CAV1: variants seen among roughly 807,000 people sequenced by gnomAD.
CAV1 encodes the protein caveolin-1.
A neutral mutation model predicts 16.5 loss-of-function variants in CAV1; 10 were observed. That is an observed-to-expected ratio of 0.61 (90% CI 0.37 to 1.03). The LOEUF (loss-of-function observed/expected upper bound fraction) is 1.03. Among genes scored for constraint, CAV1 ranks in the 50% least tolerant of loss-of-function variants. The probability of loss-of-function intolerance (pLI) is 0.01; values close to 1 mark genes in which losing one functional copy is unlikely to be tolerated. For synonymous variants in CAV1, 76 were observed against 85.1 expected (o/e 0.89, Z 0.59); for missense variants, 212 against 232.8 (o/e 0.91, Z 0.58).
Position 116,559,053 on chromosome 7 carries a change from C to T in CAV1, c.303C>T (p.Arg101=). 3 of 1,613,866 alleles carry T rather than the reference C, an allele frequency of 1.9e-6. No individual in the cohort carries two copies. The highest frequency in any genetic ancestry group is 2.5e-6 in the Non-Finnish European group (3 of 1,179,884). ...CTGTGACGAAATACTGGTTTTACCG[C>T]TTGCTGTCTGCCCTCTTTGGCATCC... is the stretch of plus-strand genomic sequence containing the variant. ...TFTVTKYWFY[R]LLSALFGIPM... is the part of the protein sequence containing the mutation. The change falls in exon 3 of 3, where the codon CGC becomes CGT. Residue 101 remains arginine, a synonymous_variant. Coordinates refer to ENST00000341049, the MANE Select transcript of CAV1 (RefSeq NM_001753.5).
chr7:116,526,458 T>A, intron 1 of CAV1, 67 bp from the exon 2 acceptor site: 1 of 1,608,964 alleles, frequency 6.2e-7, no homozygotes. Context: ...TTTTTCTTTT[T>A]GCATTTTTCC....
intron 2 of CAV1, among the ~76,000 whole-genome samples, chr7:116,527,871 A>G (rs56932364): frequency 0.03 from 4,487 of 150,086 alleles, 212 homozygotes; most frequent in African/African-American, 0.1. Flanking sequence ...ACTGGAAGGG[A>G]AAAAAAAACT....
At chr7:116,555,478 G>GGAAGGAA (rs1562837889) in intron 2 of CAV1, among the ~76,000 whole-genome samples, 5 of 7,256 alleles carry the variant, frequency 6.9e-4, no homozygotes, top group Admixed American at 2.3e-3. Flanking sequence ...GAAGGAAGGA[G>GGAAGGAA]GAAAGAAAAG....
chr7:116,525,030 C>A, upstream of CAV1: 1 of 1,613,942 alleles, frequency 6.2e-7, no homozygotes, highest in South Asian at 1.1e-5. Flanking sequence ...CCAGGGAAAC[C>A]TCCTCACAGT....
chr7:116,533,313 G>C (rs952590742), intron 2 of CAV1, among the ~76,000 whole-genome samples: 7 of 149,824 alleles, frequency 4.7e-5, no homozygotes, highest in Non-Finnish European at 8.8e-5. Flanking sequence ...ACTCCAGCCT[G>C]GTGACACAGC....
At chr7:116,550,942 C>A (rs1218034030) in intron 2 of CAV1, among the ~76,000 whole-genome samples, 1 of 152,128 alleles carries the variant, frequency 6.6e-6, no homozygotes, top group Admixed American at 6.5e-5. Flanking sequence ...CTCATTTATC[C>A]ACCAGTGTCC....
At chr7:116,547,386 G>T (rs948303788) in intron 2 of CAV1, among the ~76,000 whole-genome samples, 1 of 152,128 alleles carries the variant, frequency 6.6e-6, no homozygotes, top group Non-Finnish European at 1.5e-5. Context: ...GGAGAAACCC[G>T]ATGGTTACCT....
chr7:116,525,816 G>A (rs984951777), intron 1 of CAV1: 28 of 1,019,164 alleles, frequency 2.7e-5, no homozygotes, highest in Non-Finnish European at 3.3e-5. Context: ...GTGAGACTGA[G>A]TTCTAGGACA....
intron 2 of CAV1, among the ~76,000 whole-genome samples, chr7:116,556,360 T>C (rs909601501): frequency 3.5e-4 from 53 of 152,326 alleles, no homozygotes; most frequent in African/African-American, 1.3e-3. Flanking sequence ...GCAAACTCTT[T>C]TTTATTAACG....
At chr7:116,558,750 C>T (rs547220102) in intron 2 of CAV1, among the ~76,000 whole-genome samples, 196 bp from the exon 3 acceptor site, 1 of 152,102 alleles carries the variant, frequency 6.6e-6, no homozygotes, top group East Asian at 1.9e-4. Context: ...AAGACCCTGT[C>T]TCAAAAAAAT....
chr7:116,533,030 T>C (rs1186878375), intron 2 of CAV1, among the ~76,000 whole-genome samples: 1 of 152,146 alleles, frequency 6.6e-6, no homozygotes, highest in Non-Finnish European at 1.5e-5. Context: ...AAATTGTTTG[T>C]CTAAAAGCAG....
chr7:116,525,048 C>T lies in CAV1; in HGVS notation c.-15C>T, dbSNP rs768323181. 3 of 1,614,204 alleles carry T rather than the reference C, an allele frequency of 1.9e-6. No individual in the cohort carries two copies. The highest frequency in any genetic ancestry group is 2.7e-5 in the African/African-American group (2 of 75,078). On this transcript the variant is annotated 5_prime_UTR_variant, in exon 1 of 3. Coordinates refer to ENST00000341049, the MANE Select transcript of CAV1 (RefSeq NM_001753.5). ...GGGAAACCTCCTCACAGTTTTCATC[C>T]AGCCACGGGCCAGCATGTCTGGGGG...
chr7:116,555,523 AGAGAGAGAG>A (rs1794259134), intron 2 of CAV1, among the ~76,000 whole-genome samples: 2 of 8,352 alleles, frequency 2.4e-4, no homozygotes, highest in Non-Finnish European at 5.3e-4. Context: ...AAAGAAAGAG[AGAGAGAGAG>A]AGAGAGAGAG....
At chr7:116,530,765 A>G (rs141672531) in intron 2 of CAV1, among the ~76,000 whole-genome samples, 53 of 146,556 alleles carry the variant, frequency 3.6e-4, no homozygotes, top group African/African-American at 1.2e-3. Context: ...AAGACTGATC[A>G]TAGTAAAATG....
chr7:116,528,636 C>G (rs974202673), intron 2 of CAV1, among the ~76,000 whole-genome samples: 2 of 152,044 alleles, frequency 1.3e-5, no homozygotes, highest in Admixed American at 1.3e-4. Context: ...CCAAAGAGTG[C>G]CTGGCCGATG....
At chr7:116,546,769 C>T (rs1794060515) in intron 2 of CAV1, among the ~76,000 whole-genome samples, 1 of 151,084 alleles carries the variant, frequency 6.6e-6, no homozygotes, top group Non-Finnish European at 1.5e-5. Flanking sequence ...CAAATCCTAT[C>T]CCTGAGGTTC....
At chr7:116,554,889 T>A (rs1446255091) in intron 2 of CAV1, among the ~76,000 whole-genome samples, 1 of 152,196 alleles carries the variant, frequency 6.6e-6, no homozygotes, top group African/African-American at 2.4e-5. Flanking sequence ...ATCTCAGGAA[T>A]ACAAAGGCAA....
chr7:116,546,534 A>T (rs1269194219), intron 2 of CAV1, among the ~76,000 whole-genome samples: 3 of 98,878 alleles, frequency 3.0e-5, no homozygotes, highest in Non-Finnish European at 4.4e-5. Flanking sequence ...TACTAAAAAT[A>T]AAAAAAAAAA....
intron 2 of CAV1, among the ~76,000 whole-genome samples, chr7:116,535,589 G>C (rs947750136): frequency 2.0e-5 from 3 of 152,206 alleles, no homozygotes; most frequent in Non-Finnish European, 4.4e-5. Context: ...TAGGGTGGGG[G>C]AAGTGTTTTT....
Sources: allele counts gnomAD v4.1 joint callset (sites outside exome capture counted in the v4.1 genomes callset), GRCh38; gene constraint gnomAD v4.1.1; transcripts MANE v1.5; gene names NCBI Gene and HGNC (gene_info 2026-07-23, HGNC 2026-07-21).